PRIM2: variants seen among roughly 807,000 people sequenced by gnomAD.
PRIM2 encodes the protein DNA primase large subunit.
PRIM2 carries 39 observed loss-of-function variants against 67.3 expected under a neutral mutation model. That is an observed-to-expected ratio of 0.58 (90% CI 0.45 to 0.76). PRIM2 has a LOEUF of 0.76. Among genes scored for constraint, PRIM2 ranks in the 30% least tolerant of loss-of-function variants. The pLI is 0.00. For synonymous variants in PRIM2, 143 were observed against 198.7 expected, an observed-to-expected ratio of 0.72 and a Z score of 2.36; for missense variants, 398 against 598.7, an observed-to-expected ratio of 0.66 and a Z score of 3.50.
intron 10 of PRIM2, chr6:57,586,857 A>G (rs1219745018): frequency 1.3e-5 from 2 of 152,236 alleles, no homozygotes; most frequent in African/African-American, 4.8e-5. Flanking sequence ...GAAAAATGTA[A>G]GAGAAGACTA....
chr6:57,282,362 T>C, the PRIM2 span, among the ~76,000 whole-genome samples: 1 of 152,234 alleles, frequency 6.6e-6, no homozygotes, highest in African/African-American at 2.4e-5. Context: ...GTCTCACAGC[T>C]TCAGCTAAGA....
chr6:57,605,648 T>C (rs1157495132), intron 11 of PRIM2, among the ~76,000 whole-genome samples: 1 of 152,200 alleles, frequency 6.6e-6, no homozygotes, highest in Non-Finnish European at 1.5e-5. Flanking sequence ...GCATTTTGAC[T>C]TACCATTGCA....
rs70989764 is a variant in PRIM2, at chr6:57,326,893, CTT to C, written c.459+873_459+874del. ...TGAGTATTGGAAATAGAATTTGTAT[CTT>C]TTTTTTTTTTTTTTTTTTTTTTTTG... On this transcript the variant is annotated intron_variant, in intron 5 of 13. Coordinates refer to ENST00000615550, the MANE Select transcript of PRIM2 (RefSeq NM_000947.5). Among the ~76,000 whole-genome samples, 31 of 131,506 alleles carry C rather than the reference CTT, an allele frequency of 2.4e-4. No individual in the cohort carries two copies. In the East Asian group the frequency reaches 6.5e-3, roughly 27 times the overall value. The allele number at this position is 131,506 out of a possible 152,430, so 86.3% of individuals were successfully genotyped here. A position where few individuals can be genotyped will look rare whatever the true frequency, so the allele number is the denominator to read the frequency against.
chr6:57,561,797 G>A (rs1336196874), intron 10 of PRIM2, among the ~76,000 whole-genome samples: 2 of 152,148 alleles, frequency 1.3e-5, no homozygotes, highest in Admixed American at 6.5e-5. Context: ...TGTTTGGCAC[G>A]AGAAGCTTAG....
chr6:57,376,407 C>G (rs1388990517), intron 5 of PRIM2, among the ~76,000 whole-genome samples: 68 of 152,296 alleles, frequency 4.5e-4, no homozygotes, highest in African/African-American at 4.1e-4. Flanking sequence ...GGAGGTTGAG[C>G]ATCTTTTAAT....
the PRIM2 span, among the ~76,000 whole-genome samples, chr6:57,240,116 T>TTTTTTTG: frequency 1.3e-5 from 1 of 77,340 alleles, no homozygotes; most frequent in Non-Finnish European, 2.7e-5. Context: ...TTTTTTTTTT[T>TTTTTTTG]GAGACGGAGT....
intron 10 of PRIM2, chr6:57,587,063 A>T (rs1313745914): frequency 2.6e-5 from 4 of 152,254 alleles, no homozygotes; most frequent in African/African-American, 9.6e-5. Flanking sequence ...CTGAAATACC[A>T]TGACCCAGAT....
chr6:57,431,351 G>A (rs1175062007), intron 7 of PRIM2, among the ~76,000 whole-genome samples: 1 of 151,898 alleles, frequency 6.6e-6, no homozygotes, highest in Admixed American at 6.6e-5. Context: ...GTCCTGACAT[G>A]CTTTTAAAGA....
At chr6:57,543,040 C>T (rs1259890809) in intron 10 of PRIM2, among the ~76,000 whole-genome samples, 5 of 145,220 alleles carry the variant, frequency 3.4e-5, no homozygotes, top group Non-Finnish European at 4.5e-5. Flanking sequence ...CTGGGCTTCA[C>T]GCCATTCTCC....
intron 5 of PRIM2, among the ~76,000 whole-genome samples, chr6:57,372,664 T>C (rs1769604526): frequency 1.3e-5 from 2 of 152,206 alleles, no homozygotes; most frequent in Non-Finnish European, 2.9e-5. Context: ...TCCATATGTT[T>C]TTATCATTCA....
chr6:57,596,232 G>A (rs1776365141), intron 10 of PRIM2, among the ~76,000 whole-genome samples: 1 of 151,404 alleles, frequency 6.6e-6, no homozygotes, highest in South Asian at 2.1e-4. Flanking sequence ...CCATCAGCAA[G>A]AGCCTAGACA....
intron 10 of PRIM2, among the ~76,000 whole-genome samples, chr6:57,598,572 C>A (rs1776408787): frequency 6.6e-6 from 1 of 152,116 alleles, no homozygotes; most frequent in South Asian, 2.1e-4. Context: ...ATGAGTGTCA[C>A]CTAGTAGTGG....
At chr6:57,360,781 T>C (rs894110411) in intron 5 of PRIM2, among the ~76,000 whole-genome samples, 1 of 152,232 alleles carries the variant, frequency 6.6e-6, no homozygotes, top group Non-Finnish European at 1.5e-5. Flanking sequence ...TATTTCTCTC[T>C]ACAAAATAGA....
intron 8 of PRIM2, among the ~76,000 whole-genome samples, chr6:57,527,700 G>A (rs1408177102): frequency 6.6e-6 from 1 of 152,118 alleles, no homozygotes; most frequent in Admixed American, 6.5e-5. Context: ...TTCTTGTGTT[G>A]TATCTAACAA....
At chr6:57,430,983 C>T (rs1771808890) in intron 7 of PRIM2, among the ~76,000 whole-genome samples, 1 of 152,036 alleles carries the variant, frequency 6.6e-6, no homozygotes, top group South Asian at 2.1e-4. Context: ...TTTTGAAGAT[C>T]TATTATCCTT....
chr6:57,557,562 AATG>A (rs1775539213), intron 10 of PRIM2, among the ~76,000 whole-genome samples: 1 of 152,096 alleles, frequency 6.6e-6, no homozygotes, highest in African/African-American at 2.4e-5. Context: ...GTGGGAGTTA[AATG>A]ATGAGAACTC....
At chr6:57,429,529 C>G (rs1430311926) in intron 7 of PRIM2, among the ~76,000 whole-genome samples, 2 of 151,942 alleles carry the variant, frequency 1.3e-5, no homozygotes, top group African/African-American at 4.8e-5. Context: ...CTTTATCAGT[C>G]TTAAGGTGCT....
At chr6:57,246,857 C>A in the PRIM2 span, among the ~76,000 whole-genome samples, 1 of 140,336 alleles carries the variant, frequency 7.1e-6, no homozygotes, top group Non-Finnish European at 1.5e-5. Context: ...GACTTAATTT[C>A]TTTTTTTTTT....
chr6:57,435,973 G>C (rs1314044490), intron 7 of PRIM2, among the ~76,000 whole-genome samples: 6 of 152,182 alleles, frequency 3.9e-5, no homozygotes, highest in Non-Finnish European at 5.9e-5. Flanking sequence ...GTCAGCATTT[G>C]CCAAATTACA....
Sources: allele counts gnomAD v4.1 joint callset (sites outside exome capture counted in the v4.1 genomes callset), GRCh38; gene constraint gnomAD v4.1.1; transcripts MANE v1.5; gene names NCBI Gene and HGNC (gene_info 2026-07-23, HGNC 2026-07-21).